The following USP37 variants were observed in gnomAD, a reference collection of about 807,000 sequenced individuals.
USP37 encodes the protein ubiquitin carboxyl-terminal hydrolase 37.
A neutral mutation model predicts 124.0 loss-of-function variants in USP37; 27 were observed. The observed-to-expected ratio is 0.22, with a 90% CI of 0.16 to 0.30. USP37 has a LOEUF of 0.30. Ranked by LOEUF, USP37 falls within the 10% of genes least tolerant of loss-of-function variation. USP37 has a pLI of 1.00. For missense variants in USP37, 889 were observed against 1,140.4 expected, an observed-to-expected ratio of 0.78 and a Z score of 3.17; for synonymous variants, 365 against 388.0, an observed-to-expected ratio of 0.94 and a Z score of 0.70.
At chr2:218,502,121 GA>G (rs911054440) in intron 11 of USP37, among the ~76,000 whole-genome samples, 1 of 150,646 alleles carries the variant, frequency 6.6e-6, no homozygotes, top group Non-Finnish European at 1.5e-5. Flanking sequence ...TGAGAAAGAA[GA>G]AAAAAAACAG....
intron 11 of USP37, among the ~76,000 whole-genome samples, chr2:218,502,673 A>G (rs1275183245): frequency 6.6e-6 from 1 of 152,190 alleles, no homozygotes; most frequent in Non-Finnish European, 1.5e-5. Context: ...GCAGTCAGAG[A>G]AAAACTGTCT....
chr2:218,472,750 G>A (rs1690765439), intron 20 of USP37, among the ~76,000 whole-genome samples: 1 of 152,108 alleles, frequency 6.6e-6, no homozygotes, highest in Non-Finnish European at 1.5e-5. Context: ...ACAGGCATGA[G>A]CCACCGTACC....
In USP37 at chr2:218,488,428, G is replaced by A; in HGVS notation, c.1473-7C>T. ...GGGGATAATCTCTCCACATCTGTAA[G>A]AATAAAATGAGACATGTAAGCATTT... On this transcript the variant is annotated splice_polypyrimidine_tract_variant and splice_region_variant and intron_variant, in intron 14 of 25. Coordinates refer to ENST00000258399, the MANE Select transcript of USP37 (RefSeq NM_020935.3). 6.4e-7 allele frequency: 1 copy of A among 1,552,956 alleles called. No individual in the cohort carries two copies. Among genetic ancestry groups the A allele is most frequent in the Non-Finnish European group, 8.8e-7 (1 of 1,139,068 alleles).
At chr2:218,470,474 A>G (rs1182874460) in intron 20 of USP37, among the ~76,000 whole-genome samples, 1 of 152,180 alleles carries the variant, frequency 6.6e-6, no homozygotes, top group African/African-American at 2.4e-5. Flanking sequence ...CTTTTCTTCA[A>G]ACATAAATCC....
chr2:218,490,127 G>T (rs568435318), intron 14 of USP37, among the ~76,000 whole-genome samples: 2 of 152,086 alleles, frequency 1.3e-5, no homozygotes, highest in African/African-American at 4.8e-5. Context: ...CGAGGTGGGC[G>T]GATCACGAGA....
intron 10 of USP37, among the ~76,000 whole-genome samples, chr2:218,526,785 CTTTTT>C (rs71064454): frequency 5.3e-5 from 4 of 75,918 alleles, no homozygotes; most frequent in Non-Finnish European, 6.8e-5. Flanking sequence ...ATTTCATTTG[CTTTTT>C]TTTTTTTTTT....
intron 10 of USP37, among the ~76,000 whole-genome samples, chr2:218,512,282 G>A (rs975237710): frequency 5.3e-5 from 8 of 152,112 alleles, no homozygotes; most frequent in South Asian, 2.1e-4. Context: ...CAACGGAGGC[G>A]CATCACCTGA....
intron 4 of USP37, among the ~76,000 whole-genome samples, chr2:218,554,561 A>G (rs889915727): frequency 6.6e-6 from 1 of 152,134 alleles, no homozygotes; most frequent in African/African-American, 2.4e-5. Context: ...AGCCTGGCCA[A>G]CATGGCGAAA....
At chr2:218,463,389 T>A in intron 21 of USP37, 23 bp from the exon 22 acceptor site, 1 of 1,610,334 alleles carries the variant, frequency 6.2e-7, no homozygotes, top group South Asian at 1.1e-5. Context: ...GAACAAAAAC[T>A]AAGGTATTTA....
intron 23 of USP37, among the ~76,000 whole-genome samples, chr2:218,459,151 C>T (rs548028634): frequency 1.3e-5 from 2 of 151,774 alleles, no homozygotes; most frequent in African/African-American, 2.4e-5. Flanking sequence ...GAGGAACAAC[C>T]GTTTTTGGTA....
Position 218,456,981 on chromosome 2 carries a change from GAAAAAGA to G in USP37, c.2713+104_2713+110del, listed in dbSNP as rs757756124. The G allele has an allele frequency of 1.4e-3, 1,520 of 1,052,050 alleles. 11 individuals are homozygous for G. The African/African-American group carries it at 0.022, about 16-fold the overall frequency. 65.2% of individuals were successfully genotyped at this position (1,052,050 alleles called of 1,614,324 possible). A position where few individuals can be genotyped will look rare whatever the true frequency, so the allele number is the denominator to read the frequency against. On this transcript the variant is annotated intron_variant, in intron 24 of 25. Coordinates refer to ENST00000258399, the MANE Select transcript of USP37 (RefSeq NM_020935.3). ...TGAGACTGGATCTCAAAAAAAAAAA[GAAAAAGA>G]AAAAGAAAAACACACTTCACAAAGC...
At chr2:218,473,746 A>T (rs1265473088) in intron 20 of USP37, among the ~76,000 whole-genome samples, 4 of 152,246 alleles carry the variant, frequency 2.6e-5, no homozygotes, top group Non-Finnish European at 4.4e-5. Flanking sequence ...ATAACAAAAA[A>T]TGAGTAAAAA....
At position 218,563,120 on chromosome 2, in the gene USP37, G is replaced by A. The variant is rs193168794; in HGVS notation, c.-229-307C>T. On this transcript the variant is annotated intron_variant, in intron 1 of 25. Coordinates refer to ENST00000258399, the MANE Select transcript of USP37 (RefSeq NM_020935.3). ...GGAGGTTGCAGTGAGCAGAGATCAC[G>A]CCATTGCACTCCAACCTGGGCAACA... 1.5e-4 allele frequency among the ~76,000 whole-genome samples: 22 copies of A among 143,782 alleles called. 1 individual carries two copies. Among genetic ancestry groups the A allele is most frequent in the African/African-American group, 5.0e-4 (19 of 38,326 alleles). The allele number at this position is 143,782 out of a possible 152,430, so 94.3% of individuals were successfully genotyped here.
At position 218,455,011 on chromosome 2, in the gene USP37, GAT is replaced by G; in HGVS notation, c.2857_2858del (p.Ile953LeufsTer2). On this transcript the variant is annotated frameshift_variant, in exon 26 of 26. Coordinates refer to ENST00000258399, the MANE Select transcript of USP37 (RefSeq NM_020935.3). LOFTEE classifies it high-confidence loss of function. The stretch of plus-strand genomic sequence containing the variant: ...TTTCTGTTTCCAGCAGCTCATCAAA[GAT>G]CTCCCTTAAGATAAAACAAGCAAAA... ...GYIFFYMHKE[I>X]FDELLETEKN... 6.2e-7 allele frequency: 1 copy of G among 1,613,866 alleles called. No homozygotes were observed. The highest frequency in any genetic ancestry group is 8.5e-7 in the Non-Finnish European group (1 of 1,180,002).
intron 10 of USP37, among the ~76,000 whole-genome samples, chr2:218,515,858 T>A (rs1018243977): frequency 1.3e-5 from 2 of 151,714 alleles, no homozygotes; most frequent in African/African-American, 4.8e-5. Flanking sequence ...AACCAAACAA[T>A]CCCATCCAAA....
At chr2:218,546,661 C>T (rs186664616) in intron 7 of USP37, among the ~76,000 whole-genome samples, 5 of 152,234 alleles carry the variant, frequency 3.3e-5, no homozygotes, top group East Asian at 3.9e-4. Context: ...CCTCATGATC[C>T]GCCCGCCTCA....
At chr2:218,522,982 T>C (rs1690743271) in intron 10 of USP37, among the ~76,000 whole-genome samples, 1 of 151,682 alleles carries the variant, frequency 6.6e-6, no homozygotes, top group South Asian at 2.1e-4. Context: ...CTACTAAGAA[T>C]ACAAAAATTG....
chr2:218,504,077 TTTAA>T (rs1689541680), intron 11 of USP37, among the ~76,000 whole-genome samples: 1 of 152,198 alleles, frequency 6.6e-6, no homozygotes. Context: ...TTCATTAAGA[TTTAA>T]TTAATATAAT....
At chr2:218,543,857 C>T (rs1277402217) in intron 8 of USP37, among the ~76,000 whole-genome samples, 1 of 152,002 alleles carries the variant, frequency 6.6e-6, no homozygotes, top group Non-Finnish European at 1.5e-5. Context: ...GCTCTCTGTG[C>T]CAAGAACCTA....
Sources: gnomAD v4.1 joint callset for allele counts (sites outside exome capture counted in the v4.1 genomes callset) on GRCh38, gnomAD v4.1.1 for gene constraint, MANE v1.5 for transcripts, NCBI Gene and HGNC (gene_info 2026-07-23, HGNC 2026-07-21) for gene names.